Variants in BAIAP2L1 observed in about 807,000 individuals in gnomAD.
BAIAP2L1 encodes BAR/IMD domain containing adaptor protein 2 like 1.
BAIAP2L1 carries 35 observed loss-of-function variants against 66.3 expected under a neutral mutation model. The ratio of observed to expected loss-of-function variants is 0.53; its 90% confidence interval spans 0.40 to 0.70. The LOEUF is 0.70. Ranked by LOEUF, BAIAP2L1 falls within the 30% of genes least tolerant of loss-of-function variation. The pLI is 0.00. For missense variants in BAIAP2L1, 622 were observed against 656.9 expected, an observed-to-expected ratio of 0.95 and a Z score of 0.58; for synonymous variants, 269 against 248.7, an observed-to-expected ratio of 1.08 and a Z score of -0.77.
intron 3 of BAIAP2L1, among the ~76,000 whole-genome samples, chr7:98,346,813 T>C (rs1421320697): frequency 6.6e-6 from 1 of 152,126 alleles, no homozygotes; most frequent in Non-Finnish European, 1.5e-5. Flanking sequence ...GTAGCAACAC[T>C]GAGTCAAACG....
chr7:98,385,487 C>T (rs1407503800), intron 1 of BAIAP2L1, among the ~76,000 whole-genome samples: 1 of 152,076 alleles, frequency 6.6e-6, no homozygotes, highest in East Asian at 1.9e-4. Flanking sequence ...GTGGCGCAAT[C>T]TCTGCTCACT....
chr7:98,343,985 C>A (rs1302822043), intron 3 of BAIAP2L1, among the ~76,000 whole-genome samples: 1 of 152,156 alleles, frequency 6.6e-6, no homozygotes, highest in Non-Finnish European at 1.5e-5. Context: ...TCGAGACCAT[C>A]CTGGCCAATA....
chr7:98,362,368 T>A lies in BAIAP2L1; in HGVS notation c.116A>T (p.Lys39Ile). The A allele has an allele frequency of 6.2e-7, 1 of 1,610,028 alleles. No homozygotes were observed. Among genetic ancestry groups the A allele is most frequent in the Non-Finnish European group, 8.5e-7 (1 of 1,176,706 alleles). Residue 39 changes from lysine (K) to isoleucine (I), a missense_variant, in exon 2 of 14, where the codon AAA becomes ATA. Coordinates refer to ENST00000005260, the MANE Select transcript of BAIAP2L1 (RefSeq NM_018842.5). ...AAAAACAGACTTACCGTTTACAGCT[T>A]TCTCATAATTTTTCCCCAGGTTTAT... Reference protein sequence around the residue: ...NLINLGKNYEKAVNAMILAGK... With the variant: ...NLINLGKNYEIAVNAMILAGK...
At chr7:98,363,027 C>CT (rs71537235) in intron 1 of BAIAP2L1, among the ~76,000 whole-genome samples, 815 of 75,516 alleles carry the variant, frequency 0.011, 5 homozygotes, top group African/African-American at 0.017. Flanking sequence ...GGCATTTTTT[C>CT]TTTTTTTTTT....
chr7:98,388,715 T>C (rs1466850435), intron 1 of BAIAP2L1, among the ~76,000 whole-genome samples: 2 of 152,162 alleles, frequency 1.3e-5, no homozygotes, highest in African/African-American at 4.8e-5. Flanking sequence ...GGCTCACATC[T>C]GTAATCCCAG....
intron 1 of BAIAP2L1, among the ~76,000 whole-genome samples, chr7:98,384,693 CTT>C (rs11413562): frequency 3.4e-5 from 4 of 118,796 alleles, no homozygotes; most frequent in Non-Finnish European, 4.9e-5. Context: ...ATCATTCTAC[CTT>C]TTTTTTTTTT....
chr7:98,399,835 A>G (rs1029136129), intron 1 of BAIAP2L1: 1 of 152,206 alleles, frequency 6.6e-6, no homozygotes, highest in Non-Finnish European at 1.5e-5. Context: ...AGGTTAGGTC[A>G]ATTTCATTAA....
intron 3 of BAIAP2L1, among the ~76,000 whole-genome samples, chr7:98,354,385 G>A (rs886378991): frequency 6.6e-6 from 1 of 152,038 alleles, no homozygotes; most frequent in African/African-American, 2.4e-5. Context: ...ATTTTCCTCC[G>A]GTTAAGCCAG....
At chr7:98,332,729 A>C (rs1432613415) in intron 3 of BAIAP2L1, among the ~76,000 whole-genome samples, 1 of 149,450 alleles carries the variant, frequency 6.7e-6, no homozygotes, top group Non-Finnish European at 1.5e-5. Context: ...GAATCACTTG[A>C]ACCTGGGAGG....
chr7:98,329,246 C>T (rs1411623349), intron 3 of BAIAP2L1, among the ~76,000 whole-genome samples: 2 of 152,304 alleles, frequency 1.3e-5, no homozygotes, highest in East Asian at 3.9e-4. Flanking sequence ...CATGACAGGA[C>T]TAAGCTCACA....
chr7:98,295,896 G>A (rs558709963), intron 12 of BAIAP2L1, among the ~76,000 whole-genome samples: 37 of 152,276 alleles, frequency 2.4e-4, no homozygotes, highest in African/African-American at 7.9e-4. Context: ...GAAAAAGAAC[G>A]CTTAAGATGA....
At chr7:98,296,271 T>C (rs1562962357) in intron 12 of BAIAP2L1, among the ~76,000 whole-genome samples, 1 of 152,348 alleles carries the variant, frequency 6.6e-6, no homozygotes, top group East Asian at 1.9e-4. Flanking sequence ...CGGAGTCACA[T>C]CATGAAAATT....
At position 98,348,286 on chromosome 7, in the gene BAIAP2L1, G is replaced by A. The variant is rs1406931072; in HGVS notation, c.214+6756C>T. Among the ~76,000 whole-genome samples the A allele has an allele frequency of 4.6e-5, 7 of 152,012 alleles. No individual in the cohort carries two copies. The East Asian group carries it at 1.3e-3, about 29-fold the overall frequency. The stretch of plus-strand genomic sequence containing the variant: ...ATAATCAAGAAAAATATATATTCTG[G>A]CCAGGCGCAGTGGCTCACATCTGTA... On this transcript the variant is annotated intron_variant, in intron 3 of 13. Transcript: ENST00000005260.
At chr7:98,328,792 C>G (rs551817417) in intron 3 of BAIAP2L1, among the ~76,000 whole-genome samples, 205 of 152,160 alleles carry the variant, frequency 1.3e-3, no homozygotes, top group African/African-American at 4.6e-3. Flanking sequence ...AAAATCCACA[C>G]ATGTGATTGT....
intron 7 of BAIAP2L1, among the ~76,000 whole-genome samples, chr7:98,314,789 C>T (rs184916096): frequency 4.6e-5 from 7 of 152,188 alleles, no homozygotes; most frequent in South Asian, 2.1e-4. Flanking sequence ...GACCTGGGCC[C>T]GCTGGGACTC....
chr7:98,399,162 C>T (rs981740624), intron 1 of BAIAP2L1, among the ~76,000 whole-genome samples: 1 of 152,078 alleles, frequency 6.6e-6, no homozygotes, highest in Non-Finnish European at 1.5e-5. Context: ...TCTCAAATTT[C>T]GAATTTCTCA....
chr7:98,391,762 CAGA>C (rs1476204624), intron 1 of BAIAP2L1, among the ~76,000 whole-genome samples: 8 of 149,610 alleles, frequency 5.3e-5, no homozygotes, highest in Non-Finnish European at 1.0e-4. Context: ...CATGATAAAC[CAGA>C]AGGACTCAAG....
At chr7:98,317,938 C>A (rs1801128714) in intron 5 of BAIAP2L1, among the ~76,000 whole-genome samples, 1 of 147,792 alleles carries the variant, frequency 6.8e-6, no homozygotes, top group African/African-American at 2.4e-5. Flanking sequence ...CATCCTCACA[C>A]TGGCCGGGGC....
At chr7:98,295,146 C>T (rs1301581699) in intron 12 of BAIAP2L1, among the ~76,000 whole-genome samples, 1 of 152,232 alleles carries the variant, frequency 6.6e-6, no homozygotes, top group Non-Finnish European at 1.5e-5. Context: ...CTCTCATGCC[C>T]GATGCCAGCG....
Sources: gnomAD v4.1 joint callset for allele counts (sites outside exome capture counted in the v4.1 genomes callset) on GRCh38, gnomAD v4.1.1 for gene constraint, MANE v1.5 for transcripts, NCBI Gene and HGNC (gene_info 2026-07-23, HGNC 2026-07-21) for gene names.